The following CNIH3 variants were observed in gnomAD, a reference collection of about 807,000 sequenced individuals.
CNIH3 encodes protein cornichon homolog 3.
A neutral mutation model predicts 24.1 loss-of-function variants in CNIH3; 14 were observed. The ratio of observed to expected loss-of-function variants is 0.58; its 90% CI spans 0.38 to 0.91. The LOEUF is 0.91. CNIH3 is among the 40% of genes least tolerant of loss of function. The pLI, the probability that CNIH3 is intolerant of heterozygous loss-of-function variation, is 0.00. For missense variants in CNIH3, 178 were observed against 196.8 expected (o/e 0.90, Z 0.57); for synonymous variants, 68 against 73.8 (o/e 0.92, Z 0.40).
chr1:224,623,497 T>C (rs1327528486), intron 1 of CNIH3, among the ~76,000 whole-genome samples: 1 of 152,132 alleles, frequency 6.6e-6, no homozygotes, highest in Non-Finnish European at 1.5e-5. Flanking sequence ...ATCAGCTGGA[T>C]GTGAGTCAGT....
At position 224,505,032 on chromosome 1, in the gene CNIH3, CCCTTCCTT is replaced by C. The variant is rs1181782404; in HGVS notation, n.204-10684_204-10677del. Among the ~76,000 whole-genome samples the C allele has an allele frequency of 8.1e-4, 37 of 45,880 alleles. 1 individual carries two copies. Among genetic ancestry groups the C allele is most frequent in the African/African-American group, 1.7e-3 (17 of 9,718 alleles). The allele number at this position is 45,880 out of a possible 152,430, so 30.1% of individuals were successfully genotyped here. ...TCCCTCCCTCCCTCCCTCCCTCCCT[CCCTTCCTT>C]CCTTCCTTCCTTCCTTCCTTCCTTT... On this transcript the variant is annotated intron_variant and non_coding_transcript_variant, in intron 1 of 5. Transcript: ENST00000471578.
chr1:224,494,916 T>G (rs1326713342), intron 1 of CNIH3, among the ~76,000 whole-genome samples: 1 of 152,242 alleles, frequency 6.6e-6, no homozygotes, highest in East Asian at 1.9e-4. Context: ...TGCTTTCTTC[T>G]GCCCTCTCTG....
chr1:224,599,463 A>G (rs1682119874), intron 3 of CNIH3, among the ~76,000 whole-genome samples: 1 of 152,362 alleles, frequency 6.6e-6, no homozygotes, highest in South Asian at 2.1e-4. Context: ...TTTAATAAAT[A>G]GAAACAACTT....
At chr1:224,625,307 T>G (rs1296526568) in intron 1 of CNIH3, among the ~76,000 whole-genome samples, 1 of 152,060 alleles carries the variant, frequency 6.6e-6, no homozygotes, top group East Asian at 1.9e-4. Context: ...CCCAGCACTT[T>G]GGGAGGCCTA....
At chr1:224,456,026 G>A (rs1269635971) in intron 1 of CNIH3, among the ~76,000 whole-genome samples, 1 of 152,180 alleles carries the variant, frequency 6.6e-6, no homozygotes, top group East Asian at 1.9e-4. Flanking sequence ...AGTGACTAAA[G>A]TAATTACTGT....
intron 3 of CNIH3, among the ~76,000 whole-genome samples, chr1:224,699,196 A>T (rs1457184138): frequency 6.6e-6 from 1 of 152,086 alleles, no homozygotes; most frequent in Non-Finnish European, 1.5e-5. Context: ...CCTCATGCGG[A>T]TGGGCCCTGT....
At chr1:224,700,805 T>C (rs942464069) in intron 3 of CNIH3, among the ~76,000 whole-genome samples, 4 of 152,146 alleles carry the variant, frequency 2.6e-5, no homozygotes, top group African/African-American at 9.7e-5. Context: ...GCTCAACACA[T>C]GTTGGACAGG....
At chr1:224,562,361 T>G (rs1680407599) in intron 3 of CNIH3, among the ~76,000 whole-genome samples, 1 of 152,092 alleles carries the variant, frequency 6.6e-6, no homozygotes, top group African/African-American at 2.4e-5. Flanking sequence ...CCATCTCCAG[T>G]CAAGATAAAA....
At chr1:224,553,521 C>T (rs1251250725) in intron 3 of CNIH3, among the ~76,000 whole-genome samples, 4 of 152,058 alleles carry the variant, frequency 2.6e-5, no homozygotes, top group East Asian at 1.9e-4. Context: ...GGTTCTGGGA[C>T]CCGGCTGGTT....
intron 1 of CNIH3, among the ~76,000 whole-genome samples, chr1:224,441,250 G>A (rs1674900531): frequency 6.6e-6 from 1 of 152,126 alleles, no homozygotes; most frequent in Non-Finnish European, 1.5e-5. Context: ...ACATCAAAAT[G>A]TTCATAATAA....
At chr1:224,503,605 C>T (rs548490173) in intron 1 of CNIH3, among the ~76,000 whole-genome samples, 1 of 152,176 alleles carries the variant, frequency 6.6e-6, no homozygotes, top group Non-Finnish European at 1.5e-5. Context: ...TGCACAGGGG[C>T]GGGTCCCCTC....
At chr1:224,691,593 C>A (rs1206657457) in intron 3 of CNIH3, among the ~76,000 whole-genome samples, 1 of 152,242 alleles carries the variant, frequency 6.6e-6, no homozygotes, top group Non-Finnish European at 1.5e-5. Context: ...CAGTGACTGC[C>A]AACCATCCTT....
chr1:224,638,381 G>A (rs1246688981), intron 1 of CNIH3, among the ~76,000 whole-genome samples: 2 of 152,212 alleles, frequency 1.3e-5, no homozygotes, highest in African/African-American at 4.8e-5. Flanking sequence ...CCTCCGGAAG[G>A]CTCTGTGGAT....
At chr1:224,445,918 G>C (rs1208699369) in intron 1 of CNIH3, among the ~76,000 whole-genome samples, 1 of 152,124 alleles carries the variant, frequency 6.6e-6, no homozygotes, top group Non-Finnish European at 1.5e-5. Context: ...CTGTAGTTTA[G>C]TTTTCTGACT....
intron 3 of CNIH3, among the ~76,000 whole-genome samples, chr1:224,696,148 C>A (rs1687168473): frequency 6.6e-6 from 1 of 152,142 alleles, no homozygotes; most frequent in South Asian, 2.1e-4. Flanking sequence ...TGTCTAGAGA[C>A]CCAGGCTCCT....
chr1:224,590,036 C>T (rs182154164), downstream of CNIH3, among the ~76,000 whole-genome samples: 342 of 152,250 alleles, frequency 2.2e-3, 1 homozygote, highest in African/African-American at 7.6e-3. Context: ...GCCGCCAGGC[C>T]TGGCTAATTT....
chr1:224,657,620 T>C (rs547705262), intron 1 of CNIH3, among the ~76,000 whole-genome samples: 98 of 152,330 alleles, frequency 6.4e-4, no homozygotes, highest in Non-Finnish European at 1.3e-3. Context: ...CAATTAGTCC[T>C]GTTCTGCTTG....
intron 3 of CNIH3, among the ~76,000 whole-genome samples, chr1:224,708,174 C>G (rs753132684): frequency 1.3e-5 from 2 of 152,064 alleles, no homozygotes; most frequent in Non-Finnish European, 2.9e-5. Context: ...ATGCTGAGTT[C>G]CCTATTTCCC....
intron 3 of CNIH3, among the ~76,000 whole-genome samples, chr1:224,601,326 A>T (rs890228399): frequency 1.3e-5 from 2 of 152,084 alleles, no homozygotes; most frequent in African/African-American, 4.8e-5. Context: ...TGCTTACTAG[A>T]GGTGTTTTTC....
Sources: gnomAD v4.1 joint callset for allele counts (sites outside exome capture counted in the v4.1 genomes callset) on GRCh38, gnomAD v4.1.1 for gene constraint, MANE v1.5 for transcripts, NCBI Gene and HGNC (gene_info 2026-07-23, HGNC 2026-07-21) for gene names.